METAP1D: variants seen among roughly 807,000 people sequenced by gnomAD.
The protein encoded by METAP1D is methionyl aminopeptidase type 1D, mitochondrial, also known as methionine aminopeptidase 1D, mitochondrial.
In METAP1D, 31 loss-of-function variants were observed where a neutral mutation model predicts 40.5. The ratio of observed to expected loss-of-function variants is 0.77; its 90% CI spans 0.58 to 1.03. The LOEUF (loss-of-function observed/expected upper bound fraction) is 1.03. METAP1D is among the 50% of genes least tolerant of loss of function. The pLI is 0.00. For synonymous variants in METAP1D, 151 were observed against 146.4 expected (o/e 1.03, Z -0.22); for missense variants, 411 against 420.7 (o/e 0.98, Z 0.20).
intron 1 of METAP1D, among the ~76,000 whole-genome samples, chr2:172,051,705 C>G (rs1312734039): frequency 6.6e-6 from 1 of 152,152 alleles, no homozygotes; most frequent in Non-Finnish European, 1.5e-5. Flanking sequence ...CTGTGACTGA[C>G]TTTCCAGTTC....
intron 6 of METAP1D, chr2:172,072,251 A>G (rs1275502480): frequency 1.2e-5 from 2 of 166,920 alleles, no homozygotes; most frequent in Non-Finnish European, 2.9e-5. Context: ...TATTTTTGCA[A>G]ATGGGATGAG....
intron 7 of METAP1D, among the ~76,000 whole-genome samples, chr2:172,078,646 G>T (rs1690611911): frequency 6.6e-6 from 1 of 152,210 alleles, no homozygotes; most frequent in African/African-American, 2.4e-5. Context: ...ACACCCAGCA[G>T]GTCCAAACCC....
chr2:172,014,429 A>G (rs991830013), intron 1 of METAP1D, among the ~76,000 whole-genome samples: 1 of 152,122 alleles, frequency 6.6e-6, no homozygotes, highest in African/African-American at 2.4e-5. Context: ...TATTATTATA[A>G]AAACACAAAG....
At chr2:172,025,337 T>TGC (rs1689100451) in intron 1 of METAP1D, among the ~76,000 whole-genome samples, 1 of 152,094 alleles carries the variant, frequency 6.6e-6, no homozygotes, top group Non-Finnish European at 1.5e-5. Flanking sequence ...ATTATTATTA[T>TGC]TATTATTTTG....
chr2:172,001,397 G>A (rs1688457298), intron 1 of METAP1D, among the ~76,000 whole-genome samples: 1 of 152,094 alleles, frequency 6.6e-6, no homozygotes, highest in African/African-American at 2.4e-5. Context: ...AATTAGCTGG[G>A]CGTGGTGGCG....
intron 1 of METAP1D, among the ~76,000 whole-genome samples, chr2:172,032,088 T>C (rs553059126): frequency 1.3e-5 from 2 of 152,310 alleles, no homozygotes; most frequent in South Asian, 2.1e-4. Flanking sequence ...TAATTTTACC[T>C]GTTTTCTTTT....
At chr2:172,020,202 G>A (rs1007833136) in intron 1 of METAP1D, among the ~76,000 whole-genome samples, 7 of 152,060 alleles carry the variant, frequency 4.6e-5, no homozygotes, top group African/African-American at 1.7e-4. Context: ...GGCCAGGATG[G>A]TCTTGATTTA....
intron 1 of METAP1D, among the ~76,000 whole-genome samples, chr2:172,016,300 A>AAAAAAATATAT (rs1553490378): frequency 7.5e-5 from 3 of 40,054 alleles, no homozygotes; most frequent in Non-Finnish European, 9.2e-5. Flanking sequence ...AAAAAAAAAA[A>AAAAAAATATAT]ATATATATAT....
intron 1 of METAP1D, among the ~76,000 whole-genome samples, chr2:172,021,518 C>G (rs1025775445): frequency 6.6e-6 from 1 of 152,192 alleles, no homozygotes. Context: ...AAAGACTTTT[C>G]TTGCATTTCT....
At chr2:172,016,027 C>T (rs143033026) in intron 1 of METAP1D, among the ~76,000 whole-genome samples, 110 of 144,782 alleles carry the variant, frequency 7.6e-4, no homozygotes, top group African/African-American at 2.4e-3. Context: ...GAGGCTGAGG[C>T]GGGCAGATCA....
rs368574357 is a variant in METAP1D at position 172,059,143 on chromosome 2, C to G, written c.41-2355C>G. On this transcript the variant is annotated intron_variant, in intron 1 of 9. Transcript: ENST00000315796. ...TTTTTTTCTGAGACAGAGTCTTGCT[C>G]TGTCACCCAGGCTGGAGTGCAGTGG... Among the ~76,000 whole-genome samples the G allele has an allele frequency of 1.3e-3, 189 of 148,828 alleles. 1 individual carries two copies. The highest frequency in any genetic ancestry group is 4.4e-3 in the African/African-American group (176 of 40,330).
chr2:172,046,337 A>G (rs1356888043), intron 1 of METAP1D, among the ~76,000 whole-genome samples: 1 of 152,120 alleles, frequency 6.6e-6, no homozygotes, highest in Non-Finnish European at 1.5e-5. Flanking sequence ...CATTTAAATC[A>G]TGTCAGACAA....
intron 1 of METAP1D, among the ~76,000 whole-genome samples, chr2:172,025,456 G>A (rs1689101896): frequency 6.6e-6 from 1 of 152,058 alleles, no homozygotes; most frequent in South Asian, 2.1e-4. Context: ...AGCCTCCCGA[G>A]TAGCTGGGAC....
chr2:172,077,727 C>T, intron 6 of METAP1D, 70 bp from the exon 7 acceptor site: 1 of 675,684 alleles, frequency 1.5e-6, no homozygotes, highest in Non-Finnish European at 2.5e-6. Context: ...TTTAAAGTGA[C>T]TTTGTTTTAT....
In METAP1D at chr2:172,039,750, C is replaced by T. The variant is rs9973494; in HGVS notation, c.41-21748C>T. 0.046 allele frequency among the ~76,000 whole-genome samples: 6,923 copies of T among 150,546 alleles called. 735 individuals are homozygous for T. In the East Asian group the frequency reaches 0.48, roughly 10 times the overall value. Reference sequence around the variant, plus strand: ...GGGCTCCATCTCAGCTCACTGCAACCTCCGCCTCCCGGGTTCTAAAGCAAT... The same window carrying T: ...GGGCTCCATCTCAGCTCACTGCAACTTCCGCCTCCCGGGTTCTAAAGCAAT... On this transcript the variant is annotated intron_variant, in intron 1 of 9. Coordinates refer to ENST00000315796, the MANE Select transcript of METAP1D (RefSeq NM_199227.3).
Position 172,045,837 on chromosome 2 carries a change from A to AT in METAP1D, c.41-15660dup, listed in dbSNP as rs1689750098. 3.2e-5 allele frequency among the ~76,000 whole-genome samples: 3 copies of AT among 94,072 alleles called. 1 individual carries two copies. The South Asian group carries it at 1.0e-3, about 32-fold the overall frequency. The allele number at this position is 94,072 out of a possible 152,430, so 61.7% of individuals were successfully genotyped here. ...TGTGTGTGTATATATATATATATAT[A>AT]TATATATATATATATATATATATAT... On this transcript the variant is annotated intron_variant, in intron 1 of 9. Transcript: ENST00000315796.
chr2:172,011,252 C>T (rs898783872), intron 1 of METAP1D, among the ~76,000 whole-genome samples: 5 of 151,860 alleles, frequency 3.3e-5, no homozygotes, highest in African/African-American at 7.3e-5. Context: ...TGCCCATCCC[C>T]TCATCCTTAA....
At chr2:172,021,589 A>C (rs1449260306) in intron 1 of METAP1D, among the ~76,000 whole-genome samples, 1 of 152,202 alleles carries the variant, frequency 6.6e-6, no homozygotes, top group Non-Finnish European at 1.5e-5. Context: ...TGTTTACACA[A>C]AGGTACTTTT....
At chr2:172,058,227 C>T (rs552134446) in intron 1 of METAP1D, among the ~76,000 whole-genome samples, 48 of 152,078 alleles carry the variant, frequency 3.2e-4, no homozygotes, top group Non-Finnish European at 3.4e-4. Context: ...CCTCCCAAAG[C>T]GCTGGGATTA....
Sources: gnomAD v4.1 joint callset for allele counts (sites outside exome capture counted in the v4.1 genomes callset) on GRCh38, gnomAD v4.1.1 for gene constraint, MANE v1.5 for transcripts, NCBI Gene and HGNC (gene_info 2026-07-23, HGNC 2026-07-21) for gene names.